Variants in LRRC43 observed in about 807,000 individuals in gnomAD.
LRRC43 encodes leucine-rich repeat-containing protein 43.
A neutral mutation model predicts 64.3 loss-of-function variants in LRRC43; 62 were observed. The observed-to-expected ratio is 0.96, with a 90% CI of 0.79 to 1.19. The LOEUF (loss-of-function observed/expected upper bound fraction) is 1.19. Among genes scored for constraint, LRRC43 ranks in the 50% most tolerant of loss-of-function variants. The pLI is 0.00. For synonymous variants in LRRC43, 422 were observed against 382.3 expected (o/e 1.10, Z -1.21); for missense variants, 868 against 845.0 (o/e 1.03, Z -0.34).
At chr12:122,168,897 C>A (rs181094814) in intron 1 of LRRC43, among the ~76,000 whole-genome samples, 2 of 152,136 alleles carry the variant, frequency 1.3e-5, no homozygotes, top group Non-Finnish European at 2.9e-5. Context: ...TTTCATGACC[C>A]TGACACTTTT....
Position 122,203,442 on chromosome 12 carries a change from G to A in LRRC43, c.1971G>A (p.Ter657=), listed in dbSNP as rs754490346. 2 of 1,609,838 alleles carry A rather than the reference G, an allele frequency of 1.2e-6. No individual in the cohort carries two copies. Among genetic ancestry groups the A allele is most frequent in the South Asian group, 1.1e-5 (1 of 90,906 alleles). The change falls in exon 12 of 12, where the codon TAG becomes TAA. Residue 657 remains the stop codon, a stop_retained_variant. Coordinates refer to ENST00000339777, the MANE Select transcript of LRRC43 (RefSeq NM_001098519.2). The part of the protein sequence containing the change: ...AEEALRMFAV[*] The stretch of plus-strand genomic sequence containing the variant: ...AGGCTCTGCGCATGTTCGCCGTGTA[G>A]GGCGTGGGCAGTAAAGGCTGTTCCC...
chr12:122,193,346 G>A (rs917835451), intron 7 of LRRC43, among the ~76,000 whole-genome samples: 38 of 131,194 alleles, frequency 2.9e-4, no homozygotes, highest in Admixed American at 9.2e-4. Flanking sequence ...GTGCCACTGC[G>A]CTCCAGCCCG....
intron 7 of LRRC43, among the ~76,000 whole-genome samples, chr12:122,199,370 C>T (rs1304501314): frequency 2.0e-5 from 3 of 150,788 alleles, no homozygotes; most frequent in Non-Finnish European, 4.4e-5. Context: ...GCAACCTCCA[C>T]CTCCCAGGTT....
chr12:122,187,961 A>G, intron 4 of LRRC43, 121 bp downstream of exon 4: 1 of 976,678 alleles, frequency 1.0e-6, no homozygotes, highest in Non-Finnish European at 1.5e-6. Flanking sequence ...GTTGGCTGCT[A>G]AATCCAGACT....
chr12:122,194,571 AAAAAAAAAAG>A (rs1004662202), intron 7 of LRRC43, among the ~76,000 whole-genome samples: 31 of 135,222 alleles, frequency 2.3e-4, no homozygotes, highest in African/African-American at 7.3e-4. Context: ...CGTCTCAAAA[AAAAAAAAAAG>A]AAAAGAAAAG....
chr12:122,172,564 T>G, intron 1 of LRRC43: 2 of 1,614,208 alleles, frequency 1.2e-6, no homozygotes, highest in South Asian at 2.2e-5. Context: ...TCTTGAAATA[T>G]GAGTTTGTCG....
upstream of LRRC43, among the ~76,000 whole-genome samples, chr12:122,182,124 A>G (rs1213673375): frequency 6.6e-6 from 1 of 151,910 alleles, no homozygotes; most frequent in Non-Finnish European, 1.5e-5. Context: ...GTGGTGGCTC[A>G]CGCCTGTAAT....
chr12:122,178,310 G>A (rs1953554583), upstream of LRRC43, among the ~76,000 whole-genome samples: 2 of 152,126 alleles, frequency 1.3e-5, 1 homozygote, highest in South Asian at 4.2e-4. Flanking sequence ...ACAACCTCTC[G>A]TAACAACCTC....
At chr12:122,169,771 C>G (rs901094034) in intron 1 of LRRC43, among the ~76,000 whole-genome samples, 2 of 151,094 alleles carry the variant, frequency 1.3e-5, no homozygotes, top group African/African-American at 4.9e-5. Flanking sequence ...AACCTTTTCC[C>G]TAATTTATTT....
At chr12:122,201,468 T>C in intron 11 of LRRC43, 139 bp downstream of exon 11, 1 of 752,744 alleles carries the variant, frequency 1.3e-6, no homozygotes, top group Non-Finnish European at 2.3e-6. Flanking sequence ...CCCCCTTAGA[T>C]CCAGTGTTAT....
rs1264526395 is a variant in LRRC43, at chr12:122,172,705, A to G, written c.-406+4923A>G. ...TCAGGGCTGAGACACGGCAGCGTGT[A>G]ATTCTGGGACACGAGCACGCCCTTC... On this transcript the variant is annotated intron_variant, in intron 1 of 5. Coordinates refer to the LRRC43 transcript ENST00000537729. 3 of 1,613,846 alleles carry G rather than the reference A, an allele frequency of 1.9e-6. No homozygotes were observed. In the East Asian group the frequency reaches 6.7e-5, roughly 36 times the overall value.
At chr12:122,202,654 A>G (rs909946101) in intron 11 of LRRC43, among the ~76,000 whole-genome samples, 4 of 152,146 alleles carry the variant, frequency 2.6e-5, no homozygotes, top group Non-Finnish European at 5.9e-5. Flanking sequence ...CACCCACATC[A>G]TTAGAAAGGT....
At chr12:122,189,964 A>C in intron 4 of LRRC43, 166 bp from the exon 5 acceptor site, 1 of 686,014 alleles carries the variant, frequency 1.5e-6, no homozygotes, top group Admixed American at 2.1e-5. Context: ...AGAGCCAGGC[A>C]CTCGTTCCCG....
At chr12:122,170,493 T>C (rs189922954) in intron 1 of LRRC43, among the ~76,000 whole-genome samples, 2,268 of 151,754 alleles carry the variant, frequency 0.015, 44 homozygotes, top group African/African-American at 0.052. Flanking sequence ...TAGCCGGGCG[T>C]GGTGGCGGGC....
intron 1 of LRRC43, among the ~76,000 whole-genome samples, chr12:122,177,635 G>T (rs1190852842): frequency 6.6e-6 from 1 of 151,566 alleles, no homozygotes; most frequent in Non-Finnish European, 1.5e-5. Flanking sequence ...CTCCCAAGTA[G>T]TTGGGACTGT....
chr12:122,168,142 A>G (rs1425015388), intron 1 of LRRC43, among the ~76,000 whole-genome samples: 1 of 150,816 alleles, frequency 6.6e-6, no homozygotes, highest in Non-Finnish European at 1.5e-5. Flanking sequence ...TAATTAAAAA[A>G]AAAATAGAAG....
rs74941994 is a variant in LRRC43, at chr12:122,187,401, C to T, written c.523-300C>T. ...AGGAGCCCTTTTGGCCTCCCAGAGA[C>T]GCATTCCTATGGGTTGAGAAGGTGC... is the stretch of plus-strand genomic sequence containing the variant. On this transcript the variant is annotated intron_variant, in intron 3 of 11. Coordinates refer to ENST00000339777, the MANE Select transcript of LRRC43 (RefSeq NM_001098519.2). 7.7e-3 allele frequency: 2,082 copies of T among 270,380 alleles called. 45 individuals carry two copies. The highest frequency in any genetic ancestry group is 0.042 in the African/African-American group (1,937 of 45,854). 16.7% of individuals were successfully genotyped at this position (270,380 alleles called of 1,614,324 possible). A position where few individuals can be genotyped will look rare whatever the true frequency, so the allele number is the denominator to read the frequency against.
chr12:122,199,278 CTTTTTTTTTTTT>C (rs1165454881), intron 7 of LRRC43, among the ~76,000 whole-genome samples: 1 of 86,154 alleles, frequency 1.2e-5, no homozygotes, highest in African/African-American at 5.6e-5. Flanking sequence ...ATTGTTTCAG[CTTTTTTTTTTTT>C]TTTTTTTTTT....
chr12:122,190,299 T>C lies in LRRC43; in HGVS notation c.832T>C (p.Cys278Arg), dbSNP rs1953702077. The stretch of plus-strand genomic sequence containing the variant: ...CACCATCGACAGCCTGGCCCAGCTC[T>C]GCGTGCTGGACGACATCACCGTGTC... ...GLTIDSLAQL[C>R]VLDDITVSPN... The change falls in exon 5 of 12, where the codon TGC (cysteine) becomes CGC (arginine). Residue 278 changes from cysteine (C) to arginine (R), a missense_variant. Cys to Arg is a radical substitution (Grantham distance 180). Transcript: ENST00000339777. 2 of 1,614,136 alleles carry C rather than the reference T, an allele frequency of 1.2e-6. No individual in the cohort carries two copies. Among genetic ancestry groups the C allele is most frequent in the Non-Finnish European group, 8.5e-7 (1 of 1,180,032 alleles).
Sources: allele counts gnomAD v4.1 joint callset (sites outside exome capture counted in the v4.1 genomes callset), GRCh38; gene constraint gnomAD v4.1.1; transcripts MANE v1.5; gene names NCBI Gene and HGNC (gene_info 2026-07-23, HGNC 2026-07-21).